The following ZNF665 variants were observed in gnomAD, a reference collection of about 807,000 sequenced individuals.
The protein encoded by ZNF665 is zinc finger protein 665.
ZNF665 carries 6 observed loss-of-function variants against 7.9 expected under a neutral mutation model. The observed-to-expected ratio is 0.76, with a 90% CI of 0.42 to 1.50. The LOEUF (loss-of-function observed/expected upper bound fraction) is 1.50, where lower values mean the gene tolerates loss of function less well. ZNF665 is among the 40% of genes most tolerant of loss of function. The pLI is 0.01. For missense variants in ZNF665, 819 were observed against 806.7 expected (o/e 1.02, Z -0.18); for synonymous variants, 242 against 274.5 (o/e 0.88, Z 1.17).
At chr19:53,175,607 A>T in intron 2 of ZNF665, 36 bp from the exon 3 acceptor site, 1 of 1,570,198 alleles carries the variant, frequency 6.4e-7, no homozygotes. Context: ...AGTGACTATG[A>T]GGAAAATTTG....
chr19:53,192,810 G>A (rs1270376785), intron 1 of ZNF665, among the ~76,000 whole-genome samples: 1 of 152,064 alleles, frequency 6.6e-6, no homozygotes, highest in Non-Finnish European at 1.5e-5. Flanking sequence ...CAGGGGAAAC[G>A]GTGACTGCGA....
chr19:53,174,956 A>AG (rs1568660308), intron 3 of ZNF665, among the ~76,000 whole-genome samples: 3 of 149,722 alleles, frequency 2.0e-5, no homozygotes, highest in African/African-American at 7.5e-5. Flanking sequence ...AAAAAAAAAA[A>AG]AAAAAGAAAG....
Position 53,182,618 on chromosome 19 carries a change from C to A in ZNF665, c.15+266G>T, listed in dbSNP as rs576228977. On this transcript the variant is annotated intron_variant, in intron 2 of 3. Transcript: ENST00000396424. ...TCCCTGTTGCCCAACAGCACTGACA[C>A]CACGGGACCCTCACCCCGTCTCCAT... 23 of 775,474 alleles carry A rather than the reference C, an allele frequency of 3.0e-5. No individual in the cohort carries two copies. The African/African-American group carries it at 3.2e-4, about 11-fold the overall frequency. The allele number at this position is 775,474 out of a possible 1,614,324, so 48.0% of individuals were successfully genotyped here.
At chr19:53,171,830 C>T (rs992902653) in intron 3 of ZNF665, among the ~76,000 whole-genome samples, 1 of 151,644 alleles carries the variant, frequency 6.6e-6, no homozygotes, top group Admixed American at 6.6e-5. Context: ...TCTCGGCTCA[C>T]TGCAACTTCT....
At chr19:53,178,005 T>C (rs1041683223) in intron 2 of ZNF665, among the ~76,000 whole-genome samples, 1 of 152,202 alleles carries the variant, frequency 6.6e-6, no homozygotes, top group Non-Finnish European at 1.5e-5. Context: ...ACAGGCAAGC[T>C]ACCTGAAAGA....
At chr19:53,184,104 G>A (rs1012580277) in intron 1 of ZNF665, among the ~76,000 whole-genome samples, 3 of 152,006 alleles carry the variant, frequency 2.0e-5, no homozygotes, top group African/African-American at 7.2e-5. Flanking sequence ...ACAAAATTTA[G>A]TCAGGTGTGT....
intron 3 of ZNF665, among the ~76,000 whole-genome samples, chr19:53,170,294 G>C (rs957003581): frequency 1.3e-5 from 2 of 152,098 alleles, no homozygotes; most frequent in Non-Finnish European, 2.9e-5. Flanking sequence ...GCAAACTACA[G>C]GTGTATATAT....
chr19:53,173,587 C>T (rs2090675094), intron 3 of ZNF665, among the ~76,000 whole-genome samples: 1 of 151,908 alleles, frequency 6.6e-6, no homozygotes, highest in South Asian at 2.1e-4. Context: ...ATTGGACAGG[C>T]TGGTCTCAAA....
intron 3 of ZNF665, among the ~76,000 whole-genome samples, chr19:53,169,935 G>A (rs369671877): frequency 0.012 from 1,721 of 144,470 alleles, 40 homozygotes; most frequent in African/African-American, 0.043. Flanking sequence ...GTCTATCATT[G>A]TTGGACATTT....
At chr19:53,183,028 C>T (rs2090750173) in intron 1 of ZNF665, 85 bp from the exon 2 acceptor site, 1 of 1,390,488 alleles carries the variant, frequency 7.2e-7, no homozygotes, top group South Asian at 1.2e-5. Context: ...CACACCCCCT[C>T]CCTGGGCCAT....
rs541495740 is a variant in ZNF665 at position 53,190,895 on chromosome 19, T to C, written c.-46+2417A>G. The stretch of plus-strand genomic sequence containing the variant: ...GTTGCAGTGAGCCAAGATCGTGCCA[T>C]TGCACTCCAGCCTGGGTGACAGAGC... On this transcript the variant is annotated intron_variant, in intron 1 of 3. Transcript: ENST00000396424. 2.8e-4 allele frequency among the ~76,000 whole-genome samples: 40 copies of C among 141,902 alleles called. No individual in the cohort carries two copies. In the South Asian group the frequency reaches 4.8e-3, roughly 17 times the overall value. The allele number at this position is 141,902 out of a possible 152,430, so 93.1% of individuals were successfully genotyped here. A position where few individuals can be genotyped will look rare whatever the true frequency, so the allele number is the denominator to read the frequency against.
At chr19:53,177,130 A>AAAAC (rs555274831) in intron 2 of ZNF665, among the ~76,000 whole-genome samples, 1 of 152,034 alleles carries the variant, frequency 6.6e-6, no homozygotes, top group South Asian at 2.1e-4. Context: ...AACAAAAACA[A>AAAAC]AAACAAACAA....
At chr19:53,172,824 C>CAAA (rs66604312) in intron 3 of ZNF665, among the ~76,000 whole-genome samples, 3 of 82,690 alleles carry the variant, frequency 3.6e-5, no homozygotes, top group Non-Finnish European at 4.8e-5. Flanking sequence ...GATTCTGTCT[C>CAAA]AAAAAAAAAA....
At chr19:53,191,245 T>G (rs1345850932) in intron 1 of ZNF665, among the ~76,000 whole-genome samples, 1 of 152,200 alleles carries the variant, frequency 6.6e-6, no homozygotes, top group Non-Finnish European at 1.5e-5. Flanking sequence ...CCACACGTTT[T>G]GGTGATGAGA....
At position 53,184,110 on chromosome 19, in the gene ZNF665, T is replaced by A. The variant is rs1244342384; in HGVS notation, c.-45-1167A>T. Among the ~76,000 whole-genome samples the A allele has an allele frequency of 2.6e-5, 4 of 151,706 alleles. No homozygotes were observed. The East Asian group carries it at 7.8e-4, about 30-fold the overall frequency. On this transcript the variant is annotated intron_variant, in intron 1 of 3. Transcript: ENST00000396424. ...AAAAAAGGTACAAAATTTAGTCAGG[T>A]GTGTTGGTACGTGCCTGTAGTCCCA...
intron 2 of ZNF665, chr19:53,179,809 A>G (rs2090725328): frequency 6.6e-6 from 1 of 152,136 alleles, no homozygotes; most frequent in Non-Finnish European, 1.5e-5. Context: ...TCAATCTGTG[A>G]GATCTGACAC....
intron 3 of ZNF665, among the ~76,000 whole-genome samples, chr19:53,174,498 T>C (rs1299847715): frequency 6.6e-6 from 1 of 152,198 alleles, no homozygotes; most frequent in Non-Finnish European, 1.5e-5. Flanking sequence ...AGATGCTTTC[T>C]CCCTGCCCAT....
chr19:53,180,254 A>T (rs1231743617), intron 2 of ZNF665, among the ~76,000 whole-genome samples: 1 of 151,992 alleles, frequency 6.6e-6, no homozygotes, highest in Non-Finnish European at 1.5e-5. Context: ...CTAACATGGT[A>T]AAACCCCGTC....
At position 53,165,518 on chromosome 19, in the gene ZNF665, G is replaced by T. The variant is rs535226222; in HGVS notation, c.972C>A (p.Gly324=). Residue 324 remains glycine, a synonymous_variant, in exon 4 of 4, where the codon GGC becomes GGA. Transcript: ENST00000396424. The part of the protein sequence containing the change: ...GEKPYKCNEC[G]KAFSVRSSLT... ...GGCTTGAGCGAACACTAAAGGCTTT[G>T]CCACACTCATTACACTTGTAAGGCT... is the stretch of plus-strand genomic sequence containing the variant. 1.2e-6 allele frequency: 2 copies of T among 1,613,710 alleles called. No homozygotes were observed. Among genetic ancestry groups the T allele is most frequent in the East Asian group, 4.5e-5 (2 of 44,820 alleles).
Sources: gnomAD v4.1 joint callset for allele counts (sites outside exome capture counted in the v4.1 genomes callset) on GRCh38, gnomAD v4.1.1 for gene constraint, MANE v1.5 for transcripts, NCBI Gene and HGNC (gene_info 2026-07-23, HGNC 2026-07-21) for gene names.